HDAC9: variants seen among roughly 807,000 people sequenced by gnomAD.
The protein encoded by HDAC9 is MEF-2 interacting transcription repressor (MITR) protein.
Under a neutral mutation model 139.4 loss-of-function variants are expected in HDAC9, and 41 were observed. That is an observed-to-expected ratio of 0.29 (90% confidence interval 0.23 to 0.38). The LOEUF is 0.38. Ranked by LOEUF, HDAC9 falls within the 10% of genes least tolerant of loss-of-function variation. The pLI is 1.00. For synonymous variants in HDAC9, 517 were observed against 476.2 expected (o/e 1.09, Z -1.12); for missense variants, 1,147 against 1,297.0 (o/e 0.88, Z 1.78).
intron 23 of HDAC9, 55 bp downstream of exon 23, chr7:18,935,997 G>T: frequency 3.3e-6 from 5 of 1,529,236 alleles, no homozygotes; most frequent in Non-Finnish European, 3.5e-6. Flanking sequence ...ATGTATGCAT[G>T]CATATTTTTA....
intron 1 of HDAC9, among the ~76,000 whole-genome samples, chr7:18,094,393 A>G (rs959068756): frequency 6.6e-6 from 1 of 151,880 alleles, no homozygotes; most frequent in Non-Finnish European, 1.5e-5. Context: ...TTAGCATGAC[A>G]CAAGTTCTTT....
At chr7:18,682,834 A>C (rs1781983890) in intron 12 of HDAC9, among the ~76,000 whole-genome samples, 1 of 151,928 alleles carries the variant, frequency 6.6e-6, no homozygotes, top group African/African-American at 2.4e-5. Flanking sequence ...TACAAAAATT[A>C]GCTGGGCATG....
intron 2 of HDAC9, among the ~76,000 whole-genome samples, chr7:18,281,997 A>G (rs763125412): frequency 6.6e-6 from 1 of 152,202 alleles, no homozygotes; most frequent in African/African-American, 2.4e-5. Context: ...TTGACTCAAT[A>G]GGATTATGGA....
At chr7:18,379,237 A>T (rs1390333577) in intron 1 of HDAC9, among the ~76,000 whole-genome samples, 1 of 152,214 alleles carries the variant, frequency 6.6e-6, no homozygotes. Flanking sequence ...TGATTCTTAG[A>T]TAAGTATAGA....
intron 1 of HDAC9, among the ~76,000 whole-genome samples, chr7:18,426,851 A>G (rs974244951): frequency 6.6e-6 from 1 of 152,218 alleles, no homozygotes; most frequent in Non-Finnish European, 1.5e-5. Context: ...AAATCTGAGA[A>G]AGCAGACCAT....
At chr7:18,564,800 A>G (rs979431839) in intron 2 of HDAC9, among the ~76,000 whole-genome samples, 1 of 151,998 alleles carries the variant, frequency 6.6e-6, no homozygotes, top group African/African-American at 2.4e-5. Context: ...TTTCTGTAAG[A>G]TGAAGCAATG....
At chr7:18,433,330 G>A (rs76435064) in intron 1 of HDAC9, among the ~76,000 whole-genome samples, 5,385 of 152,174 alleles carry the variant, frequency 0.035, 129 homozygotes, top group African/African-American at 0.07. Context: ...TAAGAACCAA[G>A]CCAAGACAGG....
chr7:18,108,485 G>A (rs763488600), intron 1 of HDAC9, among the ~76,000 whole-genome samples: 1 of 152,096 alleles, frequency 6.6e-6, no homozygotes, highest in Non-Finnish European at 1.5e-5. Flanking sequence ...GAGGCAATTA[G>A]CTGTTTAAAG....
intron 11 of HDAC9, among the ~76,000 whole-genome samples, chr7:18,664,929 C>G (rs1794387093): frequency 6.6e-6 from 1 of 152,108 alleles, no homozygotes; most frequent in Non-Finnish European, 1.5e-5. Context: ...AGTTGGCACT[C>G]AGTAAATATT....
intron 24 of HDAC9, among the ~76,000 whole-genome samples, chr7:18,968,884 G>C (rs981747575): frequency 1.5e-4 from 22 of 146,254 alleles, no homozygotes; most frequent in Admixed American, 2.8e-4. Context: ...GTGTGAACCC[G>C]GGAGGCAGAG....
rs113047737 is a variant in HDAC9 at position 18,974,530 on chromosome 7, T to C, written c.3023-1276T>C. ...TACAAAATGTTAGTTTTTGGATTCA[T>C]TGACAGAATTGTTATTGTTTGGTTC... On this transcript the variant is annotated intron_variant, in intron 24 of 25. Transcript: ENST00000686413. Among the ~76,000 whole-genome samples the C allele has an allele frequency of 7.9e-5, 12 of 152,342 alleles. 1 individual carries two copies. The highest frequency in any genetic ancestry group is 2.2e-4 in the African/African-American group (9 of 41,586).
chr7:18,616,808 C>T (rs1009950953), intron 6 of HDAC9, among the ~76,000 whole-genome samples: 1 of 152,128 alleles, frequency 6.6e-6, no homozygotes, highest in African/African-American at 2.4e-5. Flanking sequence ...GACCCCTTGT[C>T]AGTGGTGCTG....
intron 12 of HDAC9, among the ~76,000 whole-genome samples, chr7:18,705,385 T>C (rs941561266): frequency 5.3e-5 from 8 of 152,276 alleles, no homozygotes; most frequent in African/African-American, 1.9e-4. Context: ...TCAAATGTAC[T>C]CTGTGGTGCA....
intron 2 of HDAC9, among the ~76,000 whole-genome samples, chr7:18,512,685 GA>G: frequency 6.6e-6 from 1 of 152,176 alleles, no homozygotes; most frequent in South Asian, 2.1e-4. Flanking sequence ...CTAACCATTC[GA>G]TTTCCCACCT....
intron 1 of HDAC9, among the ~76,000 whole-genome samples, chr7:18,418,052 G>C (rs1323690354): frequency 6.6e-6 from 1 of 152,118 alleles, no homozygotes; most frequent in African/African-American, 2.4e-5. Context: ...CAACAACTTT[G>C]CACAATCATA....
intron 1 of HDAC9, among the ~76,000 whole-genome samples, chr7:18,349,028 A>G (rs1355038275): frequency 6.6e-6 from 1 of 152,124 alleles, no homozygotes; most frequent in Admixed American, 6.6e-5. Flanking sequence ...TCTGTCCACT[A>G]TAAGCTATTC....
At position 18,822,322 on chromosome 7, in the gene HDAC9, G is replaced by C. The variant is rs1016435433; in HGVS notation, c.2323-6839G>C. On this transcript the variant is annotated intron_variant, in intron 17 of 25. Coordinates refer to ENST00000686413, the MANE Select transcript of HDAC9 (RefSeq NM_178425.4). ...CACCTTTCACTTCAGAGAGTCCAAG[G>C]GTTTGGTTTTTGTTTGTTTGTTTGT... Among the ~76,000 whole-genome samples the C allele has an allele frequency of 2.3e-4, 35 of 150,096 alleles. No individual in the cohort carries two copies. The Admixed American group carries it at 2.3e-3, about 10-fold the overall frequency.
At chr7:18,315,523 C>G (rs1799579289) in intron 1 of HDAC9, among the ~76,000 whole-genome samples, 1 of 152,140 alleles carries the variant, frequency 6.6e-6, no homozygotes. Flanking sequence ...CTGCTGTAAG[C>G]CTAAATAGAT....
intron 25 of HDAC9, among the ~76,000 whole-genome samples, chr7:18,986,751 C>G (rs572457038): frequency 0.014 from 2,126 of 152,208 alleles, 45 homozygotes; most frequent in African/African-American, 0.045. Flanking sequence ...TTTCCTTGAG[C>G]AGTGGTTTGT....
Sources: gnomAD v4.1 joint callset for allele counts (sites outside exome capture counted in the v4.1 genomes callset) on GRCh38, gnomAD v4.1.1 for gene constraint, MANE v1.5 for transcripts, NCBI Gene and HGNC (gene_info 2026-07-23, HGNC 2026-07-21) for gene names.